The following CNTN4 variants were observed in gnomAD, a reference collection of about 807,000 sequenced individuals.
CNTN4 encodes contactin 4.
Under a neutral mutation model 122.5 loss-of-function variants are expected in CNTN4, and 77 were observed. The observed-to-expected ratio is 0.63, with a 90% CI of 0.52 to 0.76. The LOEUF is 0.76. Ranked by LOEUF, CNTN4 falls within the 30% of genes least tolerant of loss-of-function variation. The pLI is 0.00. For synonymous variants in CNTN4, 512 were observed against 447.0 expected, an observed-to-expected ratio of 1.15 and a Z score of -1.83; for missense variants, 1,256 against 1,259.1, an observed-to-expected ratio of 1.00 and a Z score of 0.04.
chr3:2,126,689 G>A (rs942182678), intron 2 of CNTN4, among the ~76,000 whole-genome samples: 2 of 152,016 alleles, frequency 1.3e-5, no homozygotes, highest in African/African-American at 2.4e-5. Context: ...GTTGAGAGGG[G>A]GTGAGGAGAA....
chr3:2,885,401 TCCCCAA>T (rs1260576481), intron 9 of CNTN4, among the ~76,000 whole-genome samples: 6 of 152,276 alleles, frequency 3.9e-5, no homozygotes, highest in Admixed American at 6.5e-5. Context: ...AAGCGAAGTT[TCCCCAA>T]CCCATCTTGC....
chr3:2,773,958 C>A (rs542357890), intron 6 of CNTN4, among the ~76,000 whole-genome samples: 140 of 152,132 alleles, frequency 9.2e-4, no homozygotes, highest in Admixed American at 2.8e-3. Context: ...CAGGATTTCA[C>A]CCTGTTGGCC....
intron 19 of CNTN4, 102 bp downstream of exon 19, chr3:3,039,105 A>C: frequency 9.6e-7 from 1 of 1,042,940 alleles, no homozygotes; most frequent in South Asian, 1.4e-5. Context: ...TCTGTTTTTA[A>C]CAGTGAAAAT....
chr3:2,867,206 C>A (rs1324105154), intron 8 of CNTN4, among the ~76,000 whole-genome samples: 1 of 152,100 alleles, frequency 6.6e-6, no homozygotes, highest in Non-Finnish European at 1.5e-5. Context: ...ATATAAATAA[C>A]AAAGGAAGGT....
At chr3:2,138,002 A>T (rs1007352826) in intron 2 of CNTN4, among the ~76,000 whole-genome samples, 5 of 152,166 alleles carry the variant, frequency 3.3e-5, no homozygotes, top group Non-Finnish European at 4.4e-5. Flanking sequence ...AGGCTGGGAA[A>T]GTAAGTAGTC....
intron 3 of CNTN4, among the ~76,000 whole-genome samples, chr3:2,486,335 C>A (rs2076162085): frequency 6.6e-6 from 1 of 152,124 alleles, no homozygotes; most frequent in African/African-American, 2.4e-5. Flanking sequence ...TCAGTGAGAC[C>A]AAGAACCCAC....
chr3:2,433,795 G>T (rs1303995282), intron 3 of CNTN4, among the ~76,000 whole-genome samples: 2 of 152,126 alleles, frequency 1.3e-5, no homozygotes, highest in East Asian at 1.9e-4. Context: ...GTTGATCTAG[G>T]TTTACGATGT....
chr3:2,705,014 T>C (rs768094348), intron 4 of CNTN4, among the ~76,000 whole-genome samples: 1 of 151,984 alleles, frequency 6.6e-6, no homozygotes, highest in African/African-American at 2.4e-5. Flanking sequence ...TAAATATATA[T>C]AGACAGACAT....
intron 2 of CNTN4, among the ~76,000 whole-genome samples, chr3:2,167,409 C>T (rs1490368893): frequency 6.6e-6 from 1 of 152,102 alleles, no homozygotes; most frequent in African/African-American, 2.4e-5. Context: ...AATTAGATGG[C>T]ACATAGGGCT....
At chr3:2,392,218 C>A (rs545812172) in intron 3 of CNTN4, among the ~76,000 whole-genome samples, 1 of 152,198 alleles carries the variant, frequency 6.6e-6, no homozygotes, top group Admixed American at 6.5e-5. Context: ...ACAACTTTCA[C>A]GTCATCCCCT....
At chr3:2,833,827 G>C (rs2093156155) in intron 7 of CNTN4, among the ~76,000 whole-genome samples, 2 of 152,270 alleles carry the variant, frequency 1.3e-5, no homozygotes, top group South Asian at 4.1e-4. Context: ...GTTTGTGTAT[G>C]ACACATAAAT....
intron 4 of CNTN4, among the ~76,000 whole-genome samples, chr3:2,660,047 T>C (rs1243109507): frequency 3.3e-5 from 5 of 152,124 alleles, no homozygotes; most frequent in Non-Finnish European, 7.4e-5. Flanking sequence ...CTTTGGCAAA[T>C]CTCTATTTCC....
intron 12 of CNTN4, among the ~76,000 whole-genome samples, chr3:2,917,356 C>T (rs936420021): frequency 6.7e-6 from 1 of 149,166 alleles, no homozygotes; most frequent in Non-Finnish European, 1.5e-5. Flanking sequence ...AAGAGGGAGA[C>T]GGAGACGGAG....
At chr3:2,437,598 A>G (rs981383892) in intron 3 of CNTN4, among the ~76,000 whole-genome samples, 1 of 152,222 alleles carries the variant, frequency 6.6e-6, no homozygotes, top group African/African-American at 2.4e-5. Context: ...ATGCAAAAGT[A>G]TCCTTTCTAT....
intron 7 of CNTN4, among the ~76,000 whole-genome samples, chr3:2,849,057 C>T (rs888471712): frequency 1.3e-5 from 2 of 152,158 alleles, no homozygotes; most frequent in Non-Finnish European, 2.9e-5. Flanking sequence ...AGGGTTGCAC[C>T]CCAGGATCCC....
At chr3:2,144,283 T>G (rs2035140358) in intron 2 of CNTN4, 1 of 152,200 alleles carries the variant, frequency 6.6e-6, no homozygotes. Flanking sequence ...GGTTCTAGCT[T>G]CCAGCCTTGA....
chr3:2,234,707 C>T (rs1037102226), intron 2 of CNTN4, among the ~76,000 whole-genome samples: 4 of 152,114 alleles, frequency 2.6e-5, no homozygotes, highest in South Asian at 4.1e-4. Flanking sequence ...TCTTTATCAG[C>T]GACTCCAAAA....
chr3:2,125,424 C>A (rs2727912), intron 2 of CNTN4, among the ~76,000 whole-genome samples: 79,802 of 151,186 alleles, frequency 0.53, 21,283 homozygotes, highest in East Asian at 0.69. Flanking sequence ...GTTTCCATAT[C>A]TTGACTACCG....
At position 2,315,704 on chromosome 3, in the gene CNTN4, G is replaced by C. The variant is rs190316763; in HGVS notation, c.-144-23474G>C. Among the ~76,000 whole-genome samples the C allele has an allele frequency of 3.4e-3, 511 of 151,956 alleles. 4 individuals are homozygous for C. The highest frequency in any genetic ancestry group is 0.014 in the Middle Eastern group (4 of 294). ...AATTTATGCGTCCTAGAATCAGAAG[G>C]CTTTGAATCAATCAAGTTCTGGTTT... On this transcript the variant is annotated intron_variant, in intron 2 of 24. Coordinates refer to ENST00000418658, the MANE Select transcript of CNTN4 (RefSeq NM_175607.3).
Sources: gnomAD v4.1 joint callset for allele counts (sites outside exome capture counted in the v4.1 genomes callset) on GRCh38, gnomAD v4.1.1 for gene constraint, MANE v1.5 for transcripts, NCBI Gene and HGNC (gene_info 2026-07-23, HGNC 2026-07-21) for gene names.